Variants in CNGB1 observed in about 807,000 individuals in gnomAD.
The protein encoded by CNGB1 is cyclic nucleotide-gated channel beta-1.
A neutral mutation model predicts 151.7 loss-of-function variants in CNGB1; 126 were observed. The observed-to-expected ratio is 0.83, with a 90% CI of 0.72 to 0.96. The LOEUF is 0.96. CNGB1 is among the 40% of genes least tolerant of loss of function. The pLI is 0.00. For missense variants in CNGB1, 1,698 were observed against 1,627.0 expected, an observed-to-expected ratio of 1.04 and a Z score of -0.75; for synonymous variants, 623 against 635.1, an observed-to-expected ratio of 0.98 and a Z score of 0.29.
intron 26 of CNGB1, among the ~76,000 whole-genome samples, chr16:57,904,346 G>A (rs565932127): frequency 1.3e-5 from 2 of 152,172 alleles, no homozygotes; most frequent in African/African-American, 4.8e-5. Flanking sequence ...AAGCCAGTGT[G>A]CTGTTCCTCG....
Position 57,911,942 on chromosome 16 carries a change from A to G in CNGB1, c.2370-67T>C, listed in dbSNP as rs548328739. The G allele has an allele frequency of 4.4e-6, 7 of 1,600,568 alleles. No homozygotes were observed. The East Asian group carries it at 1.1e-4, about 26-fold the overall frequency. On this transcript the variant is annotated intron_variant, in intron 24 of 32. Coordinates refer to ENST00000251102, the MANE Select transcript of CNGB1 (RefSeq NM_001297.5). ...GGAGGTGAGGTATAGACACCTGGAC[A>G]GTGAGAGCCAACCCATGGCTGGGCT...
chr16:57,920,298 TG>T, intron 19 of CNGB1, 88 bp downstream of exon 19: 2 of 1,488,862 alleles, frequency 1.3e-6, no homozygotes, highest in Non-Finnish European at 9.3e-7. Context: ...ACCATTTCCT[TG>T]GGGCCACCCT....
intron 17 of CNGB1, 143 bp from the exon 18 acceptor site, chr16:57,923,523 A>G: frequency 1.4e-6 from 1 of 694,376 alleles, no homozygotes; most frequent in Non-Finnish European, 2.5e-6. Context: ...CTGAGTCCTC[A>G]TTTGCCTGGA....
At chr16:57,897,732 C>T (rs1211449934) in intron 30 of CNGB1, 64 bp downstream of exon 30, 27 of 1,570,572 alleles carry the variant, frequency 1.7e-5, no homozygotes, top group South Asian at 2.2e-5. Context: ...TCGCACTGCC[C>T]GCTGGCCGCC....
intron 12 of CNGB1, among the ~76,000 whole-genome samples, chr16:57,953,517 G>A (rs1442940669): frequency 1.4e-5 from 2 of 144,532 alleles, no homozygotes; most frequent in East Asian, 4.0e-4. Flanking sequence ...AAAAAAGAAA[G>A]TCAACAGCCT....
chr16:57,888,052 T>C lies in CNGB1; in HGVS notation c.3265A>G (p.Lys1089Glu). 6.2e-7 allele frequency: 1 copy of C among 1,614,044 alleles called. No homozygotes were observed. The change falls in exon 32 of 33, where the codon AAG becomes GAG. Residue 1089 changes from lysine to glutamate, a missense_variant. By Grantham distance (56) the Lys-to-Glu change is moderately conservative. Transcript: ENST00000251102. ...AGCACGCTCTTCTCCTCCTTGGGCT[T>C]ATTGTTGCTTCTCAGCATGCGCCTG... ...KARRMLRSNN[K>E]PKEEKSVLIL...
chr16:57,926,209 C>G (rs1388011438), intron 17 of CNGB1, among the ~76,000 whole-genome samples: 5 of 152,182 alleles, frequency 3.3e-5, no homozygotes, highest in African/African-American at 7.2e-5. Context: ...TGGGGCCCAG[C>G]CCAAACCTGC....
chr16:57,938,404 C>A (rs373968475), intron 16 of CNGB1, among the ~76,000 whole-genome samples: 1 of 152,208 alleles, frequency 6.6e-6, no homozygotes. Context: ...TTCAACCACT[C>A]GCTGGCCGAG....
chr16:57,942,541 G>A (rs1343694388), intron 14 of CNGB1, among the ~76,000 whole-genome samples: 1 of 152,198 alleles, frequency 6.6e-6, no homozygotes, highest in African/African-American at 2.4e-5. Context: ...AGAACCATAT[G>A]CTGAAAACTA....
At position 57,939,562 on chromosome 16, in the gene CNGB1, T is replaced by C. The variant is rs1240130070; in HGVS notation, c.1240A>G (p.Lys414Glu). Residue 414 changes from lysine to glutamate, a missense_variant, in exon 16 of 33, where the codon AAG (lysine) becomes GAG (glutamate). Lys to Glu is a moderately conservative substitution (Grantham distance 56). Coordinates refer to ENST00000251102, the MANE Select transcript of CNGB1 (RefSeq NM_001297.5). Reference protein sequence around the residue: ...KLWEEVGEEAKKEAEEKAKEE... With the variant: ...KLWEEVGEEAEKEAEEKAKEE... ...TTGGCCTTCTCTTCAGCCTCCTTCT[T>C]GGCCTCCTCCCCAACTTCCTCCCAC... The C allele has an allele frequency of 6.2e-7, 1 of 1,614,132 alleles. No homozygotes were observed. The highest frequency in any genetic ancestry group is 1.1e-5 in the South Asian group (1 of 91,084).
chr16:57,917,410 G>T lies in CNGB1; in HGVS notation c.2024C>A (p.Pro675His). 1 of 1,614,086 alleles carries T rather than the reference G, an allele frequency of 6.2e-7. No individual in the cohort carries two copies. The highest frequency in any genetic ancestry group is 8.5e-7 in the Non-Finnish European group (1 of 1,180,020). ...CTGGTAGGGGAAGGCCCAGCGCACGGGAATCAGCCAACAGTTCCAATTCCA... is the reference window on the plus strand; with the variant it reads ...CTGGTAGGGGAAGGCCCAGCGCACGTGAATCAGCCAACAGTTCCAATTCCA... ...MAWNWNCWLI[P>H]VRWAFPYQTP... The change falls in exon 21 of 33, where the codon CCC becomes CAC. Residue 675 changes from proline to histidine, a missense_variant. Coordinates refer to ENST00000251102, the MANE Select transcript of CNGB1 (RefSeq NM_001297.5).
At chr16:57,933,795 T>A (rs113705777) in intron 16 of CNGB1, among the ~76,000 whole-genome samples, 3,349 of 149,714 alleles carry the variant, frequency 0.022, 64 homozygotes, top group African/African-American at 0.05. Flanking sequence ...TGATCTCGGC[T>A]CACTGCAACC....
At chr16:57,937,281 A>G (rs37916) in intron 16 of CNGB1, 123,825 of 152,422 alleles carry the variant, frequency 0.81, 50,944 homozygotes, top group African/African-American at 0.95. Flanking sequence ...TGGACTAGGC[A>G]ATTCAGCTCC....
At chr16:57,930,475 CAGAG>C (rs1434257069) in intron 17 of CNGB1, among the ~76,000 whole-genome samples, 1 of 134,144 alleles carries the variant, frequency 7.5e-6, no homozygotes, top group African/African-American at 2.8e-5. Flanking sequence ...ACCTGGGTGA[CAGAG>C]AGAGATCTTG....
At chr16:57,903,707 A>G in intron 27 of CNGB1, 115 bp downstream of exon 27, 2 of 1,280,436 alleles carry the variant, frequency 1.6e-6, no homozygotes, top group Non-Finnish European at 1.1e-6. Flanking sequence ...AGGCCCCAGT[A>G]CTCGGGACCT....
Position 57,883,940 on chromosome 16 carries a change from G to C in CNGB1, c.*224C>G, listed in dbSNP as rs988331943. 5 of 612,372 alleles carry C rather than the reference G, an allele frequency of 8.2e-6. No individual in the cohort carries two copies. In the East Asian group the frequency reaches 1.4e-4, roughly 17 times the overall value. The allele number at this position is 612,372 out of a possible 1,614,324, so 37.9% of individuals were successfully genotyped here. ...AATGATAGTGAGAGCTCAGGGACTC[G>C]AACACTTGATGCAACTTGTCGAGCT... On this transcript the variant is annotated 3_prime_UTR_variant, in exon 33 of 33. Transcript: ENST00000251102.
chr16:57,963,101 C>T, intron 4 of CNGB1, 37 bp from the exon 5 acceptor site: 1 of 1,525,712 alleles, frequency 6.6e-7, no homozygotes, highest in Non-Finnish European at 9.1e-7. Flanking sequence ...CCCTCAACTT[C>T]CCCTAGCTCA....
rs1324144173 is a variant in CNGB1, at chr16:57,897,538, A to G, written c.3101T>C (p.Leu1034Pro). Residue 1034 changes from leucine (L) to proline (P), a missense_variant, in exon 31 of 33, where the codon CTG (leucine) becomes CCG (proline). By Grantham distance (98) the Leu-to-Pro change is moderately conservative. Transcript: ENST00000251102. The stretch of plus-strand genomic sequence containing the variant: ...GCGCCGGTTCCCGCCCCCAACAGCC[A>G]GCAAGCTGGGGCAGAGAAGGGAGGA... ...AGSVFGEISL[L>P]AVGGGNRRTA... 5 of 1,613,938 alleles carry G rather than the reference A, an allele frequency of 3.1e-6. No homozygotes were observed. The Admixed American group carries it at 5.0e-5, about 16-fold the overall frequency.
intron 24 of CNGB1, 169 bp from the exon 25 acceptor site, chr16:57,912,044 G>A (rs1789477688): frequency 2.5e-6 from 2 of 810,990 alleles, no homozygotes; most frequent in Admixed American, 4.3e-5. Flanking sequence ...CATGACCTGG[G>A]GCTAGGATTG....
Sources: gnomAD v4.1 joint callset for allele counts (sites outside exome capture counted in the v4.1 genomes callset) on GRCh38, gnomAD v4.1.1 for gene constraint, MANE v1.5 for transcripts, NCBI Gene and HGNC (gene_info 2026-07-23, HGNC 2026-07-21) for gene names.